The following LRRC4C variants were observed in gnomAD, a reference collection of about 807,000 sequenced individuals.
LRRC4C encodes the protein leucine rich repeat containing 4C, also known as leucine-rich repeat-containing protein 4C.
Under a neutral mutation model 33.6 loss-of-function variants are expected in LRRC4C, and 5 were observed. That is an observed-to-expected ratio of 0.15 (90% CI 0.08 to 0.31). LRRC4C has a LOEUF of 0.31. Ranked by LOEUF, LRRC4C falls within the 10% of genes least tolerant of loss-of-function variation. The probability of loss-of-function intolerance (pLI) is 1.00; values close to 1 mark genes in which losing one functional copy is unlikely to be tolerated. For synonymous variants in LRRC4C, 329 were observed against 302.0 expected, an observed-to-expected ratio of 1.09 and a Z score of -0.93; for missense variants, 560 against 796.7, an observed-to-expected ratio of 0.70 and a Z score of 3.58.
chr11:40,350,399 A>G (rs1210858482), intron 3 of LRRC4C, among the ~76,000 whole-genome samples: 1 of 151,904 alleles, frequency 6.6e-6, no homozygotes, highest in Non-Finnish European at 1.5e-5. Flanking sequence ...TTCACGGCAG[A>G]TGTATGGATT....
chr11:41,296,156 G>A (rs749652975), intron 1 of LRRC4C, among the ~76,000 whole-genome samples: 1 of 152,150 alleles, frequency 6.6e-6, no homozygotes, highest in African/African-American at 2.4e-5. Flanking sequence ...AAAATTGTGA[G>A]GGACAGAATC....
intron 1 of LRRC4C, among the ~76,000 whole-genome samples, chr11:40,952,651 G>A (rs767611825): frequency 1.3e-5 from 2 of 151,948 alleles, no homozygotes; most frequent in Admixed American, 6.6e-5. Flanking sequence ...GATGGGTAGA[G>A]GTCCAACAAG....
At chr11:40,373,864 G>A (rs879767568) in intron 3 of LRRC4C, among the ~76,000 whole-genome samples, 2 of 152,116 alleles carry the variant, frequency 1.3e-5, no homozygotes, top group East Asian at 1.9e-4. Context: ...GAAGCAAAGC[G>A]TACTCTGGAG....
intron 2 of LRRC4C, among the ~76,000 whole-genome samples, chr11:40,899,018 T>C (rs758284139): frequency 5.3e-5 from 8 of 152,194 alleles, no homozygotes; most frequent in Admixed American, 1.3e-4. Context: ...ATATACTGCA[T>C]TCTTCATGGT....
rs933170507 is a variant in LRRC4C at position 41,171,077 on chromosome 11, T to A, written c.-495-237354A>T. On this transcript the variant is annotated intron_variant, in intron 1 of 6. Coordinates refer to ENST00000528697, the MANE Select transcript of LRRC4C (RefSeq NM_001258419.2). The stretch of plus-strand genomic sequence containing the variant: ...AGATACCATCTCACACCAGTTAGAA[T>A]GGTGATCATTAAAAAGTCAGGAAAC... 3.3e-5 allele frequency among the ~76,000 whole-genome samples: 5 copies of A among 152,084 alleles called. No individual in the cohort carries two copies. In the East Asian group the frequency reaches 9.7e-4, roughly 29 times the overall value.
intron 3 of LRRC4C, among the ~76,000 whole-genome samples, chr11:40,404,447 A>G (rs1479970036): frequency 6.6e-6 from 1 of 152,146 alleles, no homozygotes; most frequent in East Asian, 1.9e-4. Context: ...GCCAAGCCAG[A>G]TATCTTCAGT....
At chr11:40,804,768 T>A (rs1229762716) in intron 2 of LRRC4C, among the ~76,000 whole-genome samples, 3 of 152,234 alleles carry the variant, frequency 2.0e-5, no homozygotes, top group Non-Finnish European at 4.4e-5. Flanking sequence ...TGAAATTATT[T>A]TTTTTTCTCA....
At chr11:40,945,727 A>G (rs1438644620) in intron 1 of LRRC4C, among the ~76,000 whole-genome samples, 2 of 152,162 alleles carry the variant, frequency 1.3e-5, no homozygotes, top group Admixed American at 1.3e-4. Flanking sequence ...AACCATGGGG[A>G]AAGGAGTTTG....
chr11:40,607,659 T>A (rs1472087935), intron 3 of LRRC4C, among the ~76,000 whole-genome samples: 2 of 152,098 alleles, frequency 1.3e-5, no homozygotes, highest in Non-Finnish European at 2.9e-5. Flanking sequence ...TTCCACCACT[T>A]GCACTCATTC....
intron 3 of LRRC4C, among the ~76,000 whole-genome samples, chr11:40,441,608 G>A (rs114954890): frequency 0.022 from 3,308 of 152,240 alleles, 122 homozygotes; most frequent in African/African-American, 0.075. Flanking sequence ...TTTAAAAAGA[G>A]CACCATGTTA....
At chr11:40,485,406 T>C (rs1233025408) in intron 3 of LRRC4C, among the ~76,000 whole-genome samples, 1 of 151,952 alleles carries the variant, frequency 6.6e-6, no homozygotes, top group African/African-American at 2.4e-5. Context: ...GAGTTACATG[T>C]TTATTCTGTT....
intron 1 of LRRC4C, among the ~76,000 whole-genome samples, chr11:41,034,844 A>T (rs1459473848): frequency 6.7e-6 from 1 of 150,266 alleles, no homozygotes; most frequent in Admixed American, 6.6e-5. Flanking sequence ...GAGAACAAGT[A>T]TATCCAAAAT....
At chr11:41,410,822 T>G (rs1196363365) in intron 1 of LRRC4C, among the ~76,000 whole-genome samples, 1 of 151,988 alleles carries the variant, frequency 6.6e-6, no homozygotes, top group Non-Finnish European at 1.5e-5. Flanking sequence ...ATTATCAACC[T>G]CAAAATAAAT....
At chr11:40,915,359 T>G (rs528752948) in intron 2 of LRRC4C, among the ~76,000 whole-genome samples, 1 of 152,162 alleles carries the variant, frequency 6.6e-6, no homozygotes, top group Non-Finnish European at 1.5e-5. Context: ...TATAGATCAA[T>G]GGAAAAGAAC....
At chr11:41,336,925 G>A (rs949052317) in intron 1 of LRRC4C, among the ~76,000 whole-genome samples, 10 of 151,926 alleles carry the variant, frequency 6.6e-5, no homozygotes, top group Non-Finnish European at 2.9e-5. Context: ...CAGAGAAACA[G>A]AGGCATGGAA....
At chr11:41,117,370 C>T (rs1462227002) in intron 1 of LRRC4C, among the ~76,000 whole-genome samples, 6 of 152,092 alleles carry the variant, frequency 3.9e-5, no homozygotes. Flanking sequence ...ATCAACATAA[C>T]AAAATACTAG....
At chr11:40,426,824 CTCT>C (rs1238611585) in intron 3 of LRRC4C, among the ~76,000 whole-genome samples, 1 of 152,148 alleles carries the variant, frequency 6.6e-6, no homozygotes, top group Non-Finnish European at 1.5e-5. Context: ...AAATTTCCTG[CTCT>C]TCTTAGTTTC....
At chr11:40,478,288 T>A (rs1284827916) in intron 3 of LRRC4C, among the ~76,000 whole-genome samples, 1 of 152,192 alleles carries the variant, frequency 6.6e-6, no homozygotes, top group African/African-American at 2.4e-5. Context: ...AATAAAGGAA[T>A]AAAATTCTCT....
At chr11:41,251,713 C>T (rs1200258710) in intron 1 of LRRC4C, among the ~76,000 whole-genome samples, 1 of 152,174 alleles carries the variant, frequency 6.6e-6, no homozygotes, top group Non-Finnish European at 1.5e-5. Context: ...CTTGCCTCTT[C>T]ACTACAGCTG....
Sources: gnomAD v4.1 joint callset for allele counts (sites outside exome capture counted in the v4.1 genomes callset) on GRCh38, gnomAD v4.1.1 for gene constraint, MANE v1.5 for transcripts, NCBI Gene and HGNC (gene_info 2026-07-23, HGNC 2026-07-21) for gene names.